The following NEDD4L variants were observed in gnomAD, a reference collection of about 807,000 sequenced individuals.
NEDD4L encodes the protein NEDD4 like E3 ubiquitin protein ligase, also known as E3 ubiquitin-protein ligase NEDD4-like.
NEDD4L carries 54 observed loss-of-function variants against 148.9 expected under a neutral mutation model. The observed-to-expected ratio is 0.36, with a 90% confidence interval of 0.29 to 0.45. The LOEUF (loss-of-function observed/expected upper bound fraction) is 0.45. Ranked by LOEUF, NEDD4L falls within the 20% of genes least tolerant of loss-of-function variation. NEDD4L has a pLI of 1.00. For synonymous variants in NEDD4L, 433 were observed against 440.7 expected, an observed-to-expected ratio of 0.98 and a Z score of 0.22; for missense variants, 856 against 1,233.8, an observed-to-expected ratio of 0.69 and a Z score of 4.59.
chr18:58,190,773 T>C (rs2040017700), intron 2 of NEDD4L, among the ~76,000 whole-genome samples: 1 of 152,222 alleles, frequency 6.6e-6, no homozygotes, highest in Non-Finnish European at 1.5e-5. Flanking sequence ...ACTTCTTAGC[T>C]TACCTTTTAC....
At chr18:58,189,309 G>A (rs1028002283) in intron 2 of NEDD4L, among the ~76,000 whole-genome samples, 1 of 152,112 alleles carries the variant, frequency 6.6e-6, no homozygotes, top group African/African-American at 2.4e-5. Context: ...GTGTGCTCTG[G>A]GGTACGTCTC....
chr18:58,067,633 A>G (rs2082667462), intron 1 of NEDD4L, among the ~76,000 whole-genome samples: 1 of 152,192 alleles, frequency 6.6e-6, no homozygotes, highest in Non-Finnish European at 1.5e-5. Context: ...GGAGTAGCTT[A>G]ATGGGGACTT....
At chr18:58,193,688 G>T (rs367721690) in intron 2 of NEDD4L, 4 of 152,346 alleles carry the variant, frequency 2.6e-5, no homozygotes, top group East Asian at 1.9e-4. Context: ...ATGGGTGAAG[G>T]CTTTGGAAGA....
chr18:58,397,750 T>C lies in NEDD4L; in HGVS notation c.*1481T>C, dbSNP rs1229376058. The C allele has an allele frequency of 1.3e-5, 2 of 152,656 alleles. No individual in the cohort carries two copies. The highest frequency in any genetic ancestry group is 2.9e-5 in the Non-Finnish European group (2 of 68,052). The allele number at this position is 152,656 out of a possible 1,614,324, so 9.5% of individuals were successfully genotyped here. Reference sequence around the variant, plus strand: ...ATTCTTTTCCACGTGTAAGTCTCCATTGCAGAATTGTCGTGCTTTGAGAAA... The same window carrying C: ...ATTCTTTTCCACGTGTAAGTCTCCACTGCAGAATTGTCGTGCTTTGAGAAA... On this transcript the variant is annotated 3_prime_UTR_variant, in exon 31 of 31. Transcript: ENST00000400345.
At chr18:58,116,506 C>G (rs1232645445) in intron 1 of NEDD4L, among the ~76,000 whole-genome samples, 2 of 152,216 alleles carry the variant, frequency 1.3e-5, no homozygotes, top group African/African-American at 4.8e-5. Context: ...TCAGGTGCAT[C>G]TAATGCAGCC....
intron 1 of NEDD4L, among the ~76,000 whole-genome samples, chr18:58,165,123 G>A (rs894964572): frequency 5.3e-5 from 8 of 152,160 alleles, no homozygotes; most frequent in African/African-American, 9.7e-5. Context: ...ATAGAGCCTG[G>A]AGCATATTCA....
intron 2 of NEDD4L, among the ~76,000 whole-genome samples, chr18:58,203,323 A>G (rs1207032665): frequency 1.3e-5 from 2 of 152,210 alleles, no homozygotes; most frequent in African/African-American, 2.4e-5. Flanking sequence ...TACTTCTTAA[A>G]TTATCCACAA....
At chr18:58,085,170 A>G (rs113279532) in intron 1 of NEDD4L, among the ~76,000 whole-genome samples, 6,124 of 152,286 alleles carry the variant, frequency 0.04, 396 homozygotes, top group African/African-American at 0.14. Flanking sequence ...TAAGGCTCCA[A>G]TGTGAATTCT....
chr18:58,177,241 CTTCCTCTGTT>C (rs2146884094), intron 2 of NEDD4L, among the ~76,000 whole-genome samples: 1 of 152,258 alleles, frequency 6.6e-6, no homozygotes, highest in Admixed American at 6.5e-5. Context: ...GTCTCACTGT[CTTCCTCTGTT>C]TTCCTTTTCT....
At chr18:58,201,602 A>G (rs1335839083) in intron 2 of NEDD4L, among the ~76,000 whole-genome samples, 1 of 152,182 alleles carries the variant, frequency 6.6e-6, no homozygotes, top group African/African-American at 2.4e-5. Flanking sequence ...ATATGAGTTC[A>G]CCACTAACTT....
At chr18:58,132,365 T>C (rs907000658) in intron 1 of NEDD4L, among the ~76,000 whole-genome samples, 28 of 152,232 alleles carry the variant, frequency 1.8e-4, no homozygotes, top group African/African-American at 6.3e-4. Flanking sequence ...AGGGCTGCTG[T>C]ATTTAAATAA....
chr18:58,200,306 A>G (rs2041243350), intron 2 of NEDD4L, among the ~76,000 whole-genome samples: 1 of 152,264 alleles, frequency 6.6e-6, no homozygotes, highest in African/African-American at 2.4e-5. Context: ...AAAAAGTTAC[A>G]TTAACAGAAA....
chr18:58,193,853 A>T (rs75476275), intron 2 of NEDD4L: 7,756 of 152,080 alleles, frequency 0.051, 627 homozygotes, highest in African/African-American at 0.17. Flanking sequence ...GTCCCTTTTT[A>T]AATTTATTTC....
At chr18:58,242,725 T>G (rs553215347) in intron 2 of NEDD4L, among the ~76,000 whole-genome samples, 1 of 152,232 alleles carries the variant, frequency 6.6e-6, no homozygotes, top group Non-Finnish European at 1.5e-5. Flanking sequence ...AGGCTGGTCT[T>G]GAACCCCCGG....
At chr18:58,374,743 C>G (rs957632667) in intron 24 of NEDD4L, among the ~76,000 whole-genome samples, 1 of 152,180 alleles carries the variant, frequency 6.6e-6, no homozygotes, top group African/African-American at 2.4e-5. Context: ...CTCACCCCTC[C>G]CCACTGGTCT....
At chr18:58,299,984 A>C (rs1031238985) in intron 5 of NEDD4L, among the ~76,000 whole-genome samples, 2 of 152,228 alleles carry the variant, frequency 1.3e-5, no homozygotes, top group Non-Finnish European at 2.9e-5. Flanking sequence ...AAAGAAAAAA[A>C]CCATAAGAAT....
intron 2 of NEDD4L, among the ~76,000 whole-genome samples, chr18:58,207,349 C>A (rs759310769): frequency 6.6e-6 from 1 of 150,980 alleles, no homozygotes; most frequent in African/African-American, 2.4e-5. Context: ...TTGGAAACAG[C>A]GCTTGTTTAT....
intron 2 of NEDD4L, among the ~76,000 whole-genome samples, chr18:58,219,469 G>A (rs142595515): frequency 3.9e-5 from 6 of 152,312 alleles, no homozygotes; most frequent in African/African-American, 1.4e-4. Context: ...CAGGGCGGTC[G>A]TAACAAAGTA....
chr18:58,044,892 G>T (rs2081503684), intron 1 of NEDD4L, among the ~76,000 whole-genome samples, 184 bp downstream of exon 1: 1 of 152,202 alleles, frequency 6.6e-6, no homozygotes, highest in South Asian at 2.1e-4. Context: ...CCCACCCTCC[G>T]CAAGCCGAGC....
Sources: allele counts gnomAD v4.1 joint callset (sites outside exome capture counted in the v4.1 genomes callset), GRCh38; gene constraint gnomAD v4.1.1; transcripts MANE v1.5; gene names NCBI Gene and HGNC (gene_info 2026-07-23, HGNC 2026-07-21).